The following KIRREL3 variants were observed in gnomAD, a reference collection of about 807,000 sequenced individuals.
KIRREL3 encodes the protein kirre like nephrin family adhesion molecule 3, also known as kin of IRRE-like protein 3.
In KIRREL3, 36 loss-of-function variants were observed where a neutral mutation model predicts 89.7. The ratio of observed to expected loss-of-function variants is 0.40; its 90% CI spans 0.31 to 0.53. The LOEUF (loss-of-function observed/expected upper bound fraction) is 0.53, where lower values mean the gene tolerates loss of function less well. Ranked by LOEUF, KIRREL3 falls within the 20% of genes least tolerant of loss-of-function variation. KIRREL3 has a pLI of 0.49. For missense variants in KIRREL3, 864 were observed against 1,056.6 expected, an observed-to-expected ratio of 0.82 and a Z score of 2.53; for synonymous variants, 445 against 441.4, an observed-to-expected ratio of 1.01 and a Z score of -0.10.
chr11:126,549,547 G>C (rs868580483), intron 2 of KIRREL3: 1 of 152,136 alleles, frequency 6.6e-6, no homozygotes, highest in Non-Finnish European at 1.5e-5. Context: ...GCCATTAAGC[G>C]CCTTCGTTTA....
At chr11:126,986,002 T>A (rs1949856035) in intron 1 of KIRREL3, among the ~76,000 whole-genome samples, 1 of 152,190 alleles carries the variant, frequency 6.6e-6, no homozygotes, top group South Asian at 2.1e-4. Flanking sequence ...TCTGTTTCTC[T>A]GTCTCTCCTC....
chr11:126,850,871 T>C (rs1481958188), intron 1 of KIRREL3, among the ~76,000 whole-genome samples: 1 of 152,118 alleles, frequency 6.6e-6, no homozygotes, highest in Non-Finnish European at 1.5e-5. Flanking sequence ...AGATCCCATA[T>C]CCACAGCCAG....
chr11:126,851,557 T>C (rs1210138122), intron 1 of KIRREL3, among the ~76,000 whole-genome samples: 6 of 152,186 alleles, frequency 3.9e-5, no homozygotes, highest in African/African-American at 1.4e-4. Context: ...CCACACAGCG[T>C]GTTTCAGACA....
chr11:126,465,860 G>T (rs1956705887), intron 5 of KIRREL3, among the ~76,000 whole-genome samples: 1 of 152,186 alleles, frequency 6.6e-6, no homozygotes, highest in Non-Finnish European at 1.5e-5. Context: ...AGACCTCATC[G>T]AGTCTATAAA....
intron 2 of KIRREL3, among the ~76,000 whole-genome samples, chr11:126,540,199 C>T (rs1000227233): frequency 1.3e-5 from 2 of 152,228 alleles, no homozygotes; most frequent in African/African-American, 4.8e-5. Context: ...CCCAGCATCG[C>T]CACCTGCAGC....
At chr11:126,632,044 G>A (rs514457) in intron 1 of KIRREL3, among the ~76,000 whole-genome samples, 60,563 of 152,020 alleles carry the variant, frequency 0.4, 12,960 homozygotes, top group South Asian at 0.52. Flanking sequence ...ATTTGACACC[G>A]GGATCACTTG....
Position 126,716,479 on chromosome 11 carries a change from C to T in KIRREL3, c.56-153567G>A, listed in dbSNP as rs573454361. 2.0e-5 allele frequency among the ~76,000 whole-genome samples: 3 copies of T among 152,124 alleles called. No individual in the cohort carries two copies. In the South Asian group the frequency reaches 6.2e-4, roughly 32 times the overall value. On this transcript the variant is annotated intron_variant, in intron 1 of 16. Coordinates refer to ENST00000525144, the MANE Select transcript of KIRREL3 (RefSeq NM_032531.4). The stretch of plus-strand genomic sequence containing the variant: ...GAGGTTAGGATTGGAGCTCAGGGGA[C>T]AAAGCCTGTTTCAGATGACACAGGT...
intron 1 of KIRREL3, among the ~76,000 whole-genome samples, chr11:126,923,207 CTTCTTCTTCTTCT>C (rs1947486174): frequency 7.4e-5 from 1 of 13,446 alleles, no homozygotes; most frequent in Non-Finnish European, 1.3e-4. Flanking sequence ...TCTTCTTCTT[CTTCTTCTTCTTCT>C]TCTTCTTCTT....
Position 126,896,557 on chromosome 11 carries a change from AATG to A in KIRREL3, c.55+103895_55+103897del, listed in dbSNP as rs1270507573. Reference sequence around the variant, plus strand: ...GAGCTAAGGGTATCCTAGTGAATGGAATGATGATGCAAATATCCTAGAAAGCTG... The same window carrying A: ...GAGCTAAGGGTATCCTAGTGAATGGAATGATGCAAATATCCTAGAAAGCTG... On this transcript the variant is annotated intron_variant, in intron 1 of 16. Coordinates refer to ENST00000525144, the MANE Select transcript of KIRREL3 (RefSeq NM_032531.4). This position sits in a 1 kb window ranked among gnomAD's most constrained non-coding sequence, Gnocchi z 4.1. Among the ~76,000 whole-genome samples the A allele has an allele frequency of 9.2e-5, 14 of 152,348 alleles. No individual in the cohort carries two copies. The highest frequency in any genetic ancestry group is 4.6e-4 in the Admixed American group (7 of 15,310).
intron 1 of KIRREL3, among the ~76,000 whole-genome samples, chr11:126,626,983 A>G (rs968395337): frequency 2.0e-5 from 3 of 150,636 alleles, no homozygotes; most frequent in Non-Finnish European, 3.0e-5. Context: ...CTGGGCCACA[A>G]GAGTGAAACA....
intron 1 of KIRREL3, among the ~76,000 whole-genome samples, chr11:126,949,665 C>T (rs1948721521): frequency 6.6e-6 from 1 of 152,324 alleles, no homozygotes; most frequent in Non-Finnish European, 1.5e-5. Flanking sequence ...TCTAGAAAGG[C>T]ATTCTCTTCT....
chr11:126,981,191 GA>G lies in KIRREL3; in HGVS notation c.55+19263del, dbSNP rs1949710600. Among the ~76,000 whole-genome samples, 1 of 152,200 alleles carries G rather than the reference GA, an allele frequency of 6.6e-6. No homozygotes were observed. Among genetic ancestry groups the G allele is most frequent in the Non-Finnish European group, 1.5e-5 (1 of 68,026 alleles). On this transcript the variant is annotated intron_variant, in intron 1 of 16. Transcript: ENST00000525144. The surrounding 1 kb of genome is among the most constrained non-coding windows in gnomAD (Gnocchi z 4.2). ...CTGTCACCTGGATTTTTAGACAAAA[GA>G]AGGAAAGCATGGCCCGTTGGACCAC...
At chr11:126,855,508 G>A (rs1311465313) in intron 1 of KIRREL3, among the ~76,000 whole-genome samples, 2 of 152,140 alleles carry the variant, frequency 1.3e-5, no homozygotes, top group East Asian at 3.9e-4. Flanking sequence ...AGTCTCAGGT[G>A]GTTCTTTATA....
rs1892997 is a variant in KIRREL3, at chr11:126,522,908, C to T, written c.284-1444G>A. Among the ~76,000 whole-genome samples, 40,562 of 152,048 alleles carry T rather than the reference C, an allele frequency of 0.27. 6,478 individuals are homozygous for T. Among genetic ancestry groups the T allele is most frequent in the African/African-American group, 0.44 (18,233 of 41,402 alleles). On this transcript the variant is annotated intron_variant, in intron 3 of 16. Transcript: ENST00000525144. This position sits in a 1 kb window ranked among gnomAD's most constrained non-coding sequence, Gnocchi z 6.0. ...TCACCACACAGGGAGTGTTCTCAGA[C>T]GGGTGCTGTAGGAGGATGAGACGGG... is the stretch of plus-strand genomic sequence containing the variant.
rs186813781 is a variant in KIRREL3, at chr11:126,526,725, G to C, written c.134-38C>G. On this transcript the variant is annotated intron_variant, in intron 2 of 16. Transcript: ENST00000525144. The surrounding 1 kb of genome is among the most constrained non-coding windows in gnomAD (Gnocchi z 5.7). ...CAAACACAATGGTCAGTTATCTGCC[G>C]GCTACAGGGGCGAGAAGGCTCCCCT... The C allele has an allele frequency of 4.5e-6, 7 of 1,538,526 alleles. No homozygotes were observed. Among genetic ancestry groups the C allele is most frequent in the Non-Finnish European group, 6.2e-6 (7 of 1,136,376 alleles).
chr11:126,577,199 TG>T (rs1401207638), intron 1 of KIRREL3, among the ~76,000 whole-genome samples: 1 of 152,158 alleles, frequency 6.6e-6, no homozygotes, highest in Non-Finnish European at 1.5e-5. Context: ...TGCAGTTTGG[TG>T]GTCTTTAAAG....
At position 126,498,291 on chromosome 11, in the gene KIRREL3, A is replaced by C. The variant is rs1223241034; in HGVS notation, c.433+23024T>G. Among the ~76,000 whole-genome samples the C allele has an allele frequency of 2.0e-5, 3 of 152,132 alleles. No homozygotes were observed. The highest frequency in any genetic ancestry group is 2.9e-5 in the Non-Finnish European group (2 of 68,010). On this transcript the variant is annotated intron_variant, in intron 4 of 16. Transcript: ENST00000525144. This position sits in a 1 kb window ranked among gnomAD's most constrained non-coding sequence, Gnocchi z 4.3. ...AGACAAAAAGAAAAAGAAAACGCCCATTTTCTCACTCCAAGTTTCCCCCTC... is the reference window on the plus strand; with the variant it reads ...AGACAAAAAGAAAAAGAAAACGCCCCTTTTCTCACTCCAAGTTTCCCCCTC...
At chr11:126,721,756 G>A (rs1407360850) in intron 1 of KIRREL3, among the ~76,000 whole-genome samples, 2 of 152,130 alleles carry the variant, frequency 1.3e-5, no homozygotes, top group Non-Finnish European at 2.9e-5. Flanking sequence ...TGGCAAGGAG[G>A]CCTTGATACT....
In KIRREL3 at chr11:126,729,712, A is replaced by G. The variant is rs569929377; in HGVS notation, c.56-166800T>C. On this transcript the variant is annotated intron_variant, in intron 1 of 16. Transcript: ENST00000525144. This position sits in a 1 kb window ranked among gnomAD's most constrained non-coding sequence, Gnocchi z 4.5. ...TGGGGCCCCGGGCACTCCACTGGACAGGTGAAAAGCTCACAGCTCAGGGTC... is the reference window on the plus strand; with the variant it reads ...TGGGGCCCCGGGCACTCCACTGGACGGGTGAAAAGCTCACAGCTCAGGGTC... Among the ~76,000 whole-genome samples, 126 of 152,298 alleles carry G rather than the reference A, an allele frequency of 8.3e-4. 2 individuals carry two copies. The South Asian group carries it at 0.023, about 28-fold the overall frequency.
Sources: allele counts gnomAD v4.1 joint callset (sites outside exome capture counted in the v4.1 genomes callset), GRCh38; gene constraint gnomAD v4.1.1; non-coding constraint Gnocchi (gnomAD v3.1); transcripts MANE v1.5; gene names NCBI Gene and HGNC (gene_info 2026-07-23, HGNC 2026-07-21).